Variants in RANBP2 observed in about 807,000 individuals in gnomAD.
The protein encoded by RANBP2 is E3 SUMO-protein ligase RanBP2.
Under a neutral mutation model 303.6 loss-of-function variants are expected in RANBP2, and 57 were observed. The observed-to-expected ratio is 0.19, with a 90% CI of 0.15 to 0.23. The LOEUF (loss-of-function observed/expected upper bound fraction) is 0.23. Ranked by LOEUF, RANBP2 falls within the 10% of genes least tolerant of loss-of-function variation. The probability of loss-of-function intolerance (pLI) is 1.00; values close to 1 mark genes in which losing one functional copy is unlikely to be tolerated. For synonymous variants in RANBP2, 1,167 were observed against 1,301.5 expected (o/e 0.90, Z 2.23); for missense variants, 3,138 against 3,780.8 (o/e 0.83, Z 4.46).
At chr2:108,929,130 T>G in the RANBP2 span, 44 of 1,587,884 alleles carry the variant, frequency 2.8e-5, no homozygotes, top group Non-Finnish European at 3.6e-5. Context: ...CCCAAGGTCC[T>G]TGCCCGTAGC....
chr2:109,011,683 A>G, the RANBP2 span, among the ~76,000 whole-genome samples: 1 of 151,764 alleles, frequency 6.6e-6, no homozygotes, highest in Non-Finnish European at 1.5e-5. Context: ...TTCCTCTGCT[A>G]TTTTCTGTTT....
chr2:108,901,036 C>T, the RANBP2 span, among the ~76,000 whole-genome samples: 20 of 152,148 alleles, frequency 1.3e-4, no homozygotes, highest in African/African-American at 3.4e-4. Context: ...TCAACCAACA[C>T]GATCTAATCA....
the RANBP2 span, among the ~76,000 whole-genome samples, chr2:109,353,610 G>T: frequency 6.6e-6 from 1 of 152,198 alleles, no homozygotes; most frequent in African/African-American, 2.4e-5. Context: ...GGCCTGCTGG[G>T]TGAGAGTGCC....
chr2:108,965,760 TG>T, the RANBP2 span, among the ~76,000 whole-genome samples: 1 of 151,964 alleles, frequency 6.6e-6, no homozygotes, highest in African/African-American at 2.4e-5. Flanking sequence ...GATGTGGTGG[TG>T]GGGGGCTGGG....
chr2:109,188,725 C>T, the RANBP2 span, among the ~76,000 whole-genome samples: 1 of 152,180 alleles, frequency 6.6e-6, no homozygotes, highest in Non-Finnish European at 1.5e-5. Flanking sequence ...TGCTTGCCGT[C>T]AGTGTGTGCT....
At chr2:109,105,339 T>C in the RANBP2 span, among the ~76,000 whole-genome samples, 2 of 152,232 alleles carry the variant, frequency 1.3e-5, no homozygotes, top group East Asian at 3.9e-4. Context: ...ACATTGCACA[T>C]ACGGCCCTTC....
At chr2:109,663,458 CAG>C in the RANBP2 span, among the ~76,000 whole-genome samples, 1 of 152,208 alleles carries the variant, frequency 6.6e-6, no homozygotes, top group East Asian at 1.9e-4. Context: ...ATCAATAAAA[CAG>C]ATAAAAATTC....
At chr2:109,569,997 A>G in the RANBP2 span, among the ~76,000 whole-genome samples, 1 of 151,918 alleles carries the variant, frequency 6.6e-6, no homozygotes, top group Non-Finnish European at 1.5e-5. Flanking sequence ...GTGTAAGTGA[A>G]AATTTCCCTA....
At chr2:109,708,660 AAATT>A in the RANBP2 span, among the ~76,000 whole-genome samples, 2 of 151,984 alleles carry the variant, frequency 1.3e-5, no homozygotes, top group Non-Finnish European at 2.9e-5. Context: ...CAAAATAAAT[AAATT>A]AATTAATTAA....
the RANBP2 span, among the ~76,000 whole-genome samples, chr2:109,682,046 T>C: frequency 6.6e-6 from 1 of 152,244 alleles, no homozygotes; most frequent in South Asian, 2.1e-4. Flanking sequence ...CCCCAGGCTC[T>C]TCTTTCAACC....
At chr2:109,403,618 A>G in the RANBP2 span, among the ~76,000 whole-genome samples, 1 of 152,236 alleles carries the variant, frequency 6.6e-6, no homozygotes, top group African/African-American at 2.4e-5. Flanking sequence ...GCGGTGCTCC[A>G]TAAAGTGCCC....
At chr2:109,452,437 A>T in the RANBP2 span, among the ~76,000 whole-genome samples, 7 of 152,162 alleles carry the variant, frequency 4.6e-5, no homozygotes, top group Admixed American at 6.5e-5. Context: ...AAAGACAGTG[A>T]GCTCCTCACT....
At chr2:109,682,787 A>G in the RANBP2 span, among the ~76,000 whole-genome samples, 1 of 152,160 alleles carries the variant, frequency 6.6e-6, no homozygotes, top group South Asian at 2.1e-4. Context: ...ATTTATATAT[A>G]TGTATCAAAA....
chr2:109,558,187 T>C, the RANBP2 span, among the ~76,000 whole-genome samples: 1 of 152,210 alleles, frequency 6.6e-6, no homozygotes, highest in Admixed American at 6.5e-5. Flanking sequence ...AAATCTCAGA[T>C]GCTCATGTCA....
the RANBP2 span, among the ~76,000 whole-genome samples, chr2:109,500,614 G>C: frequency 1.3e-5 from 2 of 152,140 alleles, no homozygotes; most frequent in Non-Finnish European, 2.9e-5. Flanking sequence ...CCAATGCTAA[G>C]GCACTGGGAA....
chr2:108,843,895 T>TTC, the RANBP2 span, among the ~76,000 whole-genome samples: 1 of 143,708 alleles, frequency 7.0e-6, no homozygotes, highest in Non-Finnish European at 1.5e-5. Flanking sequence ...TCTTTTTTTT[T>TTC]TTTTTTTTTT....
chr2:108,910,251 C>T, the RANBP2 span, among the ~76,000 whole-genome samples: 1 of 152,332 alleles, frequency 6.6e-6, no homozygotes, highest in South Asian at 2.1e-4. Flanking sequence ...GGGCCTGACC[C>T]GAGAGCAGCA....
intron 20 of RANBP2, among the ~76,000 whole-genome samples, chr2:108,768,896 C>G (rs1006872830): frequency 9.9e-5 from 15 of 151,894 alleles, no homozygotes; most frequent in South Asian, 6.2e-4. Flanking sequence ...AGCCGGGCGT[C>G]GTGGTGCGTG....
chr2:108,869,608 T>C, the RANBP2 span, among the ~76,000 whole-genome samples: 2 of 152,134 alleles, frequency 1.3e-5, no homozygotes, highest in South Asian at 4.1e-4. Context: ...AGGAATACCA[T>C]ACAAGATCTA....
Sources: gnomAD v4.1 joint callset for allele counts (sites outside exome capture counted in the v4.1 genomes callset) on GRCh38, gnomAD v4.1.1 for gene constraint, MANE v1.5 for transcripts, NCBI Gene and HGNC (gene_info 2026-07-23, HGNC 2026-07-21) for gene names.